Variants in TXLNB observed in about 807,000 individuals in gnomAD.
TXLNB encodes the protein taxilin beta.
TXLNB carries 37 observed loss-of-function variants against 57.4 expected under a neutral mutation model. That is an observed-to-expected ratio of 0.64 (90% confidence interval 0.50 to 0.85). The LOEUF (loss-of-function observed/expected upper bound fraction) is 0.85. Ranked by LOEUF, TXLNB falls within the 40% of genes least tolerant of loss-of-function variation. TXLNB has a pLI of 0.00. For missense variants in TXLNB, 848 were observed against 825.6 expected (o/e 1.03, Z -0.33); for synonymous variants, 302 against 309.6 (o/e 0.98, Z 0.26).
intron 9 of TXLNB, 26 bp from the exon 10 acceptor site, chr6:139,243,340 A>T (rs1360229867): frequency 6.3e-7 from 1 of 1,580,336 alleles, no homozygotes; most frequent in Admixed American, 1.8e-5. Context: ...ACACGCACAT[A>T]CACACACAGA....
intron 5 of TXLNB, 50 bp downstream of exon 5, chr6:139,262,529 C>A (rs369875667): frequency 2.7e-6 from 4 of 1,469,286 alleles, no homozygotes; most frequent in Non-Finnish European, 3.7e-6. Context: ...ACCTTTAGCT[C>A]CCAGATCCGG....
At chr6:139,294,417 C>T (rs956001721), upstream of TXLNB, among the ~76,000 whole-genome samples, 2 of 152,082 alleles carry the variant, frequency 1.3e-5, no homozygotes, top group African/African-American at 4.8e-5. Context: ...TTGCTATGGT[C>T]TGAATGTTTG....
At chr6:139,213,364 C>T in the TXLNB span, among the ~76,000 whole-genome samples, 52 of 152,296 alleles carry the variant, frequency 3.4e-4, 1 homozygote, top group African/African-American at 1.2e-3. Context: ...GAACAACCTG[C>T]TCCTAAATGA....
the TXLNB span, among the ~76,000 whole-genome samples, chr6:139,172,064 C>G: frequency 1.3e-5 from 2 of 152,176 alleles, no homozygotes; most frequent in Non-Finnish European, 2.9e-5. Flanking sequence ...CTCCTAACCT[C>G]TGGTGATCTA....
the TXLNB span, among the ~76,000 whole-genome samples, chr6:139,165,847 A>G: frequency 1.3e-5 from 2 of 152,058 alleles, no homozygotes; most frequent in African/African-American, 2.4e-5. Context: ...GAGTACAACT[A>G]TGTTGTTCCC....
At position 139,270,455 on chromosome 6, in the gene TXLNB, C is replaced by T. The variant is rs760219998; in HGVS notation, c.687+1G>A. The T allele has an allele frequency of 1.2e-6, 2 of 1,613,124 alleles. No homozygotes were observed. The highest frequency in any genetic ancestry group is 1.7e-6 in the Non-Finnish European group (2 of 1,179,708). On this transcript the variant is annotated splice_donor_variant, in intron 4 of 9. Transcript: ENST00000358430. LOFTEE classifies it high-confidence loss of function. ...TGTTATTCTGAGGCATGGGGACATA[C>T]CTTCAGAGTCTTGTTGTGTCTCTGC...
the TXLNB span, among the ~76,000 whole-genome samples, chr6:139,217,686 G>A: frequency 6.6e-6 from 1 of 151,782 alleles, no homozygotes; most frequent in East Asian, 1.9e-4. Context: ...GGCTAACGCG[G>A]TGAAACCCTG....
the TXLNB span, among the ~76,000 whole-genome samples, chr6:139,208,031 G>A: frequency 7.4e-3 from 1,127 of 151,990 alleles, 13 homozygotes; most frequent in African/African-American, 0.026. Flanking sequence ...AGCCGAGATC[G>A]CACCACTGCA....
At chr6:139,247,946 T>C in intron 7 of TXLNB, 37 bp from the exon 8 acceptor site, 1 of 1,256,236 alleles carries the variant, frequency 8.0e-7, no homozygotes, top group Non-Finnish European at 1.1e-6. Flanking sequence ...TTCAGAATAC[T>C]TCCAGAAGAA....
At chr6:139,256,779 C>T (rs566525163) in intron 6 of TXLNB, among the ~76,000 whole-genome samples, 1 of 152,318 alleles carries the variant, frequency 6.6e-6, no homozygotes, top group East Asian at 1.9e-4. Flanking sequence ...GAATCTCCTA[C>T]GGAACATATT....
chr6:139,290,348 C>T (rs991459973), intron 1 of TXLNB, among the ~76,000 whole-genome samples: 2 of 152,096 alleles, frequency 1.3e-5, no homozygotes, highest in South Asian at 4.1e-4. Context: ...CCACTGCACT[C>T]CAGCCTGGGT....
chr6:139,311,978 C>T, the TXLNB span, among the ~76,000 whole-genome samples: 1 of 152,080 alleles, frequency 6.6e-6, no homozygotes, highest in Non-Finnish European at 1.5e-5. Context: ...AGTCTCATAC[C>T]CTCATGACCT....
the TXLNB span, among the ~76,000 whole-genome samples, chr6:139,218,262 TG>T: frequency 6.6e-6 from 1 of 152,358 alleles, no homozygotes; most frequent in Admixed American, 6.5e-5. Context: ...TAAGGTTTTC[TG>T]ATGTTATTAG....
chr6:139,228,188 C>T, the TXLNB span, among the ~76,000 whole-genome samples: 1 of 152,108 alleles, frequency 6.6e-6, no homozygotes, highest in Non-Finnish European at 1.5e-5. Context: ...CAGATGACAG[C>T]AACCCATCCA....
At chr6:139,306,085 A>G in the TXLNB span, among the ~76,000 whole-genome samples, 1 of 152,176 alleles carries the variant, frequency 6.6e-6, no homozygotes, top group African/African-American at 2.4e-5. Flanking sequence ...GCTCCTTAGA[A>G]ACAAGAATGG....
rs771185093 is a variant in TXLNB at position 139,244,703 on chromosome 6, G to C, written c.1171-13C>G. 3.2e-6 allele frequency: 5 copies of C among 1,576,208 alleles called. No individual in the cohort carries two copies. The highest frequency in any genetic ancestry group is 4.4e-6 in the Non-Finnish European group (5 of 1,145,452). ...TTTTCTTAGTTGTCTACAGAAATTA[G>C]AGTGAGTGTGTGTTAATCTTGAAAA... On this transcript the variant is annotated splice_polypyrimidine_tract_variant and intron_variant, in intron 8 of 9. Coordinates refer to ENST00000358430, the MANE Select transcript of TXLNB (RefSeq NM_153235.4).
the TXLNB span, chr6:139,177,476 A>C: frequency 2.4e-3 from 386 of 162,074 alleles, 1 homozygote; most frequent in African/African-American, 9.0e-3. This position sits in a 1 kb window ranked among gnomAD's most constrained non-coding sequence, Gnocchi z 4.9. Context: ...TAACTTTCTA[A>C]AAACCTTCTT....
At chr6:139,318,854 AATG>A in the TXLNB span, among the ~76,000 whole-genome samples, 7 of 152,190 alleles carry the variant, frequency 4.6e-5, no homozygotes, top group Admixed American at 1.3e-4. Context: ...AATAAACTAA[AATG>A]ATGAATTCAC....
the TXLNB span, among the ~76,000 whole-genome samples, chr6:139,313,168 G>A: frequency 6.6e-6 from 1 of 151,854 alleles, no homozygotes; most frequent in African/African-American, 2.4e-5. Context: ...TGCCTCCCGG[G>A]TTCACGCCAT....
Sources: gnomAD v4.1 joint callset for allele counts (sites outside exome capture counted in the v4.1 genomes callset) on GRCh38, gnomAD v4.1.1 for gene constraint, Gnocchi (gnomAD v3.1) non-coding constraint, MANE v1.5 for transcripts, NCBI Gene and HGNC (gene_info 2026-07-23, HGNC 2026-07-21) for gene names.